The following ZFYVE9 variants were observed in gnomAD, a reference collection of about 807,000 sequenced individuals.
ZFYVE9 encodes the protein zinc finger FYVE domain-containing protein 9.
In ZFYVE9, 43 loss-of-function variants were observed where a neutral mutation model predicts 126.7. The ratio of observed to expected loss-of-function variants is 0.34; its 90% CI spans 0.27 to 0.44. The LOEUF is 0.44. Ranked by LOEUF, ZFYVE9 falls within the 20% of genes least tolerant of loss-of-function variation. ZFYVE9 has a pLI of 1.00. For synonymous variants in ZFYVE9, 521 were observed against 597.4 expected, an observed-to-expected ratio of 0.87 and a Z score of 1.87; for missense variants, 1,476 against 1,697.0, an observed-to-expected ratio of 0.87 and a Z score of 2.29.
At position 52,146,027 on chromosome 1, in the gene ZFYVE9, C is replaced by CCACACACACACACACACACA. The variant is rs1168051378; in HGVS notation, c.-143+3635_-143+3654dup. Among the ~76,000 whole-genome samples the CCACACACACACACACACACA allele has an allele frequency of 2.7e-4, 39 of 146,292 alleles. 1 individual carries two copies. Among genetic ancestry groups the CCACACACACACACACACACA allele is most frequent in the African/African-American group, 9.4e-4 (37 of 39,500 alleles). ...CCTCCCAGCCAAGGCTCAAAAATAT[C>CCACACACACACACACACACA]CACACACACACACACACACACACAC... On this transcript the variant is annotated intron_variant, in intron 1 of 18. Transcript: ENST00000287727.
intron 4 of ZFYVE9, among the ~76,000 whole-genome samples, chr1:52,249,038 A>G (rs1467268979): frequency 1.3e-5 from 2 of 152,186 alleles, no homozygotes; most frequent in East Asian, 3.8e-4. Context: ...TGTTCTCATA[A>G]TAGTGAGTTC....
At chr1:52,260,990 CT>C (rs1645574360) in intron 4 of ZFYVE9, among the ~76,000 whole-genome samples, 1 of 152,102 alleles carries the variant, frequency 6.6e-6, no homozygotes, top group African/African-American at 2.4e-5. Context: ...GCTTCTTCCC[CT>C]AATAGGAACT....
intron 1 of ZFYVE9, among the ~76,000 whole-genome samples, chr1:52,172,117 G>A (rs1419685045): frequency 6.6e-6 from 1 of 151,960 alleles, no homozygotes; most frequent in Non-Finnish European, 1.5e-5. Flanking sequence ...TTTCTTCTAG[G>A]GTTTTTATGG....
At chr1:52,246,150 A>G (rs1645381934) in intron 4 of ZFYVE9, among the ~76,000 whole-genome samples, 1 of 152,136 alleles carries the variant, frequency 6.6e-6, no homozygotes, top group African/African-American at 2.4e-5. Flanking sequence ...GCTAGTCTCA[A>G]AACTCCTGGG....
At chr1:52,259,432 A>G (rs1487058618) in intron 4 of ZFYVE9, among the ~76,000 whole-genome samples, 4 of 152,030 alleles carry the variant, frequency 2.6e-5, no homozygotes, top group African/African-American at 9.7e-5. Flanking sequence ...TACAGAAAAA[A>G]CTAATCAAAA....
chr1:52,267,878 A>G (rs1645649311), intron 6 of ZFYVE9, among the ~76,000 whole-genome samples: 1 of 152,196 alleles, frequency 6.6e-6, no homozygotes, highest in African/African-American at 2.4e-5. Flanking sequence ...TTACTTTTGC[A>G]CTGCCAGATC....
chr1:52,226,849 C>A (rs1645174921), intron 2 of ZFYVE9, among the ~76,000 whole-genome samples: 1 of 152,192 alleles, frequency 6.6e-6, no homozygotes, highest in Non-Finnish European at 1.5e-5. Context: ...TGATTGCATT[C>A]TTTTGAATTT....
At chr1:52,277,808 A>G (rs950796352) in intron 8 of ZFYVE9, among the ~76,000 whole-genome samples, 3 of 152,218 alleles carry the variant, frequency 2.0e-5, no homozygotes, top group African/African-American at 7.2e-5. Flanking sequence ...GCTGAAGCAC[A>G]TACTGTGCTT....
intron 17 of ZFYVE9, among the ~76,000 whole-genome samples, chr1:52,343,917 C>A (rs189260839): frequency 6.6e-6 from 1 of 151,922 alleles, no homozygotes; most frequent in Non-Finnish European, 1.5e-5. Flanking sequence ...ACTAAAAATA[C>A]AAAAATTAGC....
intron 12 of ZFYVE9, among the ~76,000 whole-genome samples, chr1:52,298,945 A>T (rs1646005817): frequency 6.6e-6 from 1 of 150,832 alleles, no homozygotes; most frequent in Admixed American, 6.7e-5. Context: ...AGTAGCTGGG[A>T]CTACAGGTGC....
chr1:52,285,931 G>T (rs1645853789), intron 10 of ZFYVE9, among the ~76,000 whole-genome samples: 1 of 152,052 alleles, frequency 6.6e-6, no homozygotes, highest in Non-Finnish European at 1.5e-5. Flanking sequence ...AAGCCGGGTG[G>T]ATCACCTTAG....
At chr1:52,187,899 C>T (rs1434832093) in intron 1 of ZFYVE9, among the ~76,000 whole-genome samples, 1 of 152,212 alleles carries the variant, frequency 6.6e-6, no homozygotes, top group Non-Finnish European at 1.5e-5. Context: ...TTCCTTTCCA[C>T]AGTGATTCCC....
chr1:52,199,749 C>A (rs1030757038), intron 1 of ZFYVE9, among the ~76,000 whole-genome samples: 5 of 152,140 alleles, frequency 3.3e-5, no homozygotes, highest in Non-Finnish European at 5.9e-5. Context: ...TTGTAAGAAA[C>A]AGCCAAACTG....
chr1:52,332,728 G>A (rs1249534271), intron 13 of ZFYVE9, 40 bp from the exon 14 acceptor site: 10 of 1,594,110 alleles, frequency 6.3e-6, no homozygotes, highest in Non-Finnish European at 8.5e-6. Flanking sequence ...ACAGAAAAAT[G>A]CCCATTCTTG....
At chr1:52,264,625 A>G (rs1275430960) in intron 5 of ZFYVE9, among the ~76,000 whole-genome samples, 3 of 152,208 alleles carry the variant, frequency 2.0e-5, no homozygotes, top group African/African-American at 7.2e-5. Context: ...TACTGGAACA[A>G]TTACTAATAG....
At chr1:52,209,649 A>T (rs1020150444) in intron 1 of ZFYVE9, among the ~76,000 whole-genome samples, 2 of 152,168 alleles carry the variant, frequency 1.3e-5, no homozygotes, top group African/African-American at 4.8e-5. Flanking sequence ...AGGTCCATTC[A>T]TGTTGTAGCA....
intron 1 of ZFYVE9, among the ~76,000 whole-genome samples, chr1:52,210,538 A>G (rs1645018484): frequency 6.6e-6 from 1 of 152,208 alleles, no homozygotes; most frequent in African/African-American, 2.4e-5. Context: ...GGAGACTATC[A>G]GATTACTAAC....
chr1:52,254,649 A>G (rs1645486151), intron 4 of ZFYVE9, among the ~76,000 whole-genome samples: 1 of 152,344 alleles, frequency 6.6e-6, no homozygotes, highest in Middle Eastern at 3.4e-3. Context: ...AATAGCAAAT[A>G]CATTTAAAGT....
chr1:52,208,919 G>C (rs1027167491), intron 1 of ZFYVE9, among the ~76,000 whole-genome samples: 3 of 152,138 alleles, frequency 2.0e-5, no homozygotes, highest in African/African-American at 7.2e-5. Flanking sequence ...TACAACTCTT[G>C]GGATCCTTTG....
Sources: allele counts gnomAD v4.1 joint callset (sites outside exome capture counted in the v4.1 genomes callset), GRCh38; gene constraint gnomAD v4.1.1; transcripts MANE v1.5; gene names NCBI Gene and HGNC (gene_info 2026-07-23, HGNC 2026-07-21).